Variants in CLSTN2 observed in about 807,000 individuals in gnomAD.
CLSTN2 encodes the protein calsyntenin-2.
Under a neutral mutation model 101.2 loss-of-function variants are expected in CLSTN2, and 48 were observed. That is an observed-to-expected ratio of 0.47 (90% CI 0.38 to 0.60). The LOEUF is 0.60. Ranked by LOEUF, CLSTN2 falls within the 20% of genes least tolerant of loss-of-function variation. The pLI is 0.00. For synonymous variants in CLSTN2, 481 were observed against 463.6 expected (o/e 1.04, Z -0.48); for missense variants, 1,160 against 1,238.2 (o/e 0.94, Z 0.95).
chr3:140,485,666 TC>T (rs1436147685), intron 8 of CLSTN2, among the ~76,000 whole-genome samples: 2 of 151,988 alleles, frequency 1.3e-5, no homozygotes, highest in Non-Finnish European at 2.9e-5. Flanking sequence ...CAGGCACCCC[TC>T]CCCCAGCCTC....
intron 8 of CLSTN2, among the ~76,000 whole-genome samples, chr3:140,530,026 T>A (rs1422741509): frequency 6.6e-6 from 1 of 152,214 alleles, no homozygotes; most frequent in Non-Finnish European, 1.5e-5. Flanking sequence ...ATAATATGTA[T>A]CAAGAGTCTT....
In CLSTN2 at chr3:140,563,054, A is replaced by G. The variant is rs555979213; in HGVS notation, c.2359-26A>G. 3.7e-6 allele frequency: 6 copies of G among 1,613,540 alleles called. No individual in the cohort carries two copies. In the Admixed American group the frequency reaches 5.0e-5, roughly 13 times the overall value. On this transcript the variant is annotated intron_variant, in intron 14 of 16. Transcript: ENST00000458420. ...TGGCCCACCTGCCACTCCTGGGTCA[A>G]TAGCACCTCTCCCCACTCTTCCCAG...
At chr3:140,368,436 C>T (rs1183690644) in intron 2 of CLSTN2, among the ~76,000 whole-genome samples, 2 of 152,156 alleles carry the variant, frequency 1.3e-5, no homozygotes, top group African/African-American at 4.8e-5. Flanking sequence ...TGGATGCGCC[C>T]TTAACCAAGA....
At chr3:140,280,073 A>G (rs1167656239) in intron 2 of CLSTN2, among the ~76,000 whole-genome samples, 1 of 152,216 alleles carries the variant, frequency 6.6e-6, no homozygotes, top group African/African-American at 2.4e-5. Context: ...CCTGGGCCAG[A>G]CAAGAGAAGC....
intron 1 of CLSTN2, among the ~76,000 whole-genome samples, chr3:140,011,313 G>A (rs1350404059): frequency 1.3e-5 from 2 of 152,186 alleles, no homozygotes; most frequent in Non-Finnish European, 2.9e-5. Flanking sequence ...TGGATGTCTT[G>A]CTTTAGGAAG....
chr3:140,344,436 C>T (rs559370743), intron 2 of CLSTN2, among the ~76,000 whole-genome samples: 1 of 152,186 alleles, frequency 6.6e-6, no homozygotes, highest in Non-Finnish European at 1.5e-5. Flanking sequence ...CCAGAGACAA[C>T]CCCAGGAGGC....
intron 1 of CLSTN2, among the ~76,000 whole-genome samples, chr3:140,142,227 T>C (rs571670904): frequency 5.1e-4 from 78 of 152,346 alleles, no homozygotes; most frequent in African/African-American, 1.8e-3. Flanking sequence ...GTATTGATGC[T>C]GAGGGCAGGG....
At chr3:140,540,854 C>G (rs185833018) in intron 9 of CLSTN2, among the ~76,000 whole-genome samples, 239 of 152,332 alleles carry the variant, frequency 1.6e-3, no homozygotes, top group Non-Finnish European at 2.8e-3. Context: ...CCCCACCTCT[C>G]AAATGAAAGG....
At chr3:140,274,918 A>G (rs904834937) in intron 2 of CLSTN2, among the ~76,000 whole-genome samples, 4 of 152,204 alleles carry the variant, frequency 2.6e-5, no homozygotes, top group African/African-American at 9.6e-5. Context: ...GGCAGGGAAC[A>G]GGGTGGGCTC....
intron 1 of CLSTN2, among the ~76,000 whole-genome samples, chr3:140,100,024 C>G (rs1158561140): frequency 6.6e-6 from 1 of 152,190 alleles, no homozygotes; most frequent in Non-Finnish European, 1.5e-5. Flanking sequence ...CTTCGTTTTC[C>G]CTCCTCCTGG....
chr3:140,278,834 C>G (rs955720974), intron 2 of CLSTN2, among the ~76,000 whole-genome samples: 4 of 152,166 alleles, frequency 2.6e-5, no homozygotes, highest in Non-Finnish European at 5.9e-5. Context: ...ATCTTCCCAC[C>G]TCATCCTTCT....
intron 8 of CLSTN2, among the ~76,000 whole-genome samples, chr3:140,494,453 C>A (rs1934419602): frequency 6.6e-6 from 1 of 152,150 alleles, no homozygotes. Context: ...TGTTTGTTTT[C>A]ATTTTGACCT....
intron 2 of CLSTN2, among the ~76,000 whole-genome samples, chr3:140,283,312 T>C (rs2086865796): frequency 6.6e-6 from 1 of 152,182 alleles, no homozygotes; most frequent in African/African-American, 2.4e-5. Flanking sequence ...TTTCCATATA[T>C]ACCTTCATCT....
At chr3:140,420,562 T>C (rs2088490810) in intron 4 of CLSTN2, among the ~76,000 whole-genome samples, 1 of 152,186 alleles carries the variant, frequency 6.6e-6, no homozygotes, top group African/African-American at 2.4e-5. Flanking sequence ...AAAAATGTCT[T>C]CTTCGGGGCG....
At chr3:140,306,634 A>C (rs973668376) in intron 2 of CLSTN2, among the ~76,000 whole-genome samples, 1 of 152,138 alleles carries the variant, frequency 6.6e-6, no homozygotes, top group Non-Finnish European at 1.5e-5. Flanking sequence ...CCTACTCTTC[A>C]TGGACTTAAA....
intron 2 of CLSTN2, among the ~76,000 whole-genome samples, chr3:140,302,050 T>C (rs2087065880): frequency 6.6e-6 from 1 of 152,242 alleles, no homozygotes; most frequent in Non-Finnish European, 1.5e-5. Flanking sequence ...TTGTTACTAA[T>C]GTGGCTTCTA....
intron 4 of CLSTN2, among the ~76,000 whole-genome samples, chr3:140,415,940 C>A (rs2088427480): frequency 6.6e-6 from 1 of 152,124 alleles, no homozygotes; most frequent in African/African-American, 2.4e-5. Flanking sequence ...AGCAAAGATG[C>A]AGAAACAACC....
At chr3:139,965,301 C>T (rs764760158) in intron 1 of CLSTN2, among the ~76,000 whole-genome samples, 2 of 152,224 alleles carry the variant, frequency 1.3e-5, no homozygotes, top group African/African-American at 2.4e-5. Context: ...CAGGCAGTCT[C>T]TCTCTTAACT....
intron 2 of CLSTN2, among the ~76,000 whole-genome samples, chr3:140,385,011 G>T (rs2088034595): frequency 2.0e-5 from 3 of 152,152 alleles, no homozygotes; most frequent in Admixed American, 6.5e-5. Flanking sequence ...AAAGAAGTGG[G>T]CAAATCCTAG....
Sources: allele counts gnomAD v4.1 joint callset (sites outside exome capture counted in the v4.1 genomes callset), GRCh38; gene constraint gnomAD v4.1.1; transcripts MANE v1.5; gene names NCBI Gene and HGNC (gene_info 2026-07-23, HGNC 2026-07-21).